Variants in FHIP1A observed in about 807,000 individuals in gnomAD.
The protein encoded by FHIP1A is FHF complex subunit HOOK interacting protein 1A.
A neutral mutation model predicts 88.6 loss-of-function variants in FHIP1A; 61 were observed. The observed-to-expected ratio is 0.69, with a 90% CI of 0.56 to 0.85. The LOEUF (loss-of-function observed/expected upper bound fraction) is 0.85. Ranked by LOEUF, FHIP1A falls within the 40% of genes least tolerant of loss-of-function variation. FHIP1A has a pLI of 0.00. For missense variants in FHIP1A, 1,154 were observed against 1,273.5 expected, an observed-to-expected ratio of 0.91 and a Z score of 1.43; for synonymous variants, 478 against 496.0, an observed-to-expected ratio of 0.96 and a Z score of 0.48.
chr4:151,414,990 A>G (rs899953086), intron 1 of FHIP1A, among the ~76,000 whole-genome samples: 1 of 152,114 alleles, frequency 6.6e-6, no homozygotes. Context: ...TTTTCCCTCT[A>G]TTTAAAAATG....
chr4:151,649,464 G>A lies in FHIP1A; in HGVS notation c.1423G>A (p.Val475Met). Reference sequence around the variant, plus strand: ...AGCCTCTGCCTCCTGTGCAGGGCCTGTGGAGCGGCCATTCCCCGAAGCGTT... The same window carrying A: ...AGCCTCTGCCTCCTGTGCAGGGCCTATGGAGCGGCCATTCCCCGAAGCGTT... ...SKCMHDTSGP[V>M]ERPFPEAFSE... is the part of the protein sequence containing the mutation. The change falls in exon 11 of 14, where the codon GTG (valine) becomes ATG (methionine). Residue 475 changes from valine (V) to methionine (M), a missense_variant. By Grantham distance (21) the Val-to-Met change is conservative. Coordinates refer to ENST00000435205, the MANE Select transcript of FHIP1A (RefSeq NM_001109977.3). 1 of 1,546,096 alleles carries A rather than the reference G, an allele frequency of 6.5e-7. No homozygotes were observed. The highest frequency in any genetic ancestry group is 8.7e-7 in the Non-Finnish European group (1 of 1,144,152).
Position 151,656,130 on chromosome 4 carries a change from C to T in FHIP1A, c.2552-102C>T. ...CTGTGTCTGGCTTGCACCTGTGGGC[C>T]CATGGTGGTTTGGGAGATGTGGCAC... On this transcript the variant is annotated intron_variant, in intron 11 of 13. Transcript: ENST00000435205. This position sits in a 1 kb window ranked among gnomAD's most constrained non-coding sequence, Gnocchi z 4.2. 1 of 910,270 alleles carries T rather than the reference C, an allele frequency of 1.1e-6. No homozygotes were observed. Among genetic ancestry groups the T allele is most frequent in the Non-Finnish European group, 1.7e-6 (1 of 595,760 alleles). The allele number at this position is 910,270 out of a possible 1,614,324, so 56.4% of individuals were successfully genotyped here. A position where few individuals can be genotyped will look rare whatever the true frequency, so the allele number is the denominator to read the frequency against.
At chr4:151,436,940 T>A (rs1178074229) in intron 1 of FHIP1A, among the ~76,000 whole-genome samples, 2 of 152,194 alleles carry the variant, frequency 1.3e-5, no homozygotes, top group African/African-American at 4.8e-5. Flanking sequence ...TTACTTATAA[T>A]ACCTAATACA....
intron 10 of FHIP1A, among the ~76,000 whole-genome samples, chr4:151,647,198 T>C (rs184624887): frequency 6.6e-6 from 1 of 152,314 alleles, no homozygotes; most frequent in Non-Finnish European, 1.5e-5. Context: ...ACAGCAAAAT[T>C]GCATGCATTT....
chr4:151,609,349 C>G (rs1004528404), intron 7 of FHIP1A, among the ~76,000 whole-genome samples: 8 of 152,030 alleles, frequency 5.3e-5, no homozygotes, highest in Non-Finnish European at 1.0e-4. Flanking sequence ...TTTTTCACTT[C>G]CCATTTTCTA....
intron 13 of FHIP1A, among the ~76,000 whole-genome samples, chr4:151,662,068 G>A (rs2126933161): frequency 6.6e-6 from 1 of 152,330 alleles, no homozygotes; most frequent in Middle Eastern, 3.4e-3. Context: ...ATGCTGTGCT[G>A]TCAGGGCTTA....
intron 3 of FHIP1A, among the ~76,000 whole-genome samples, chr4:151,537,138 A>G (rs1391368409): frequency 6.6e-6 from 1 of 152,004 alleles, no homozygotes; most frequent in Non-Finnish European, 1.5e-5. Context: ...TCAGCCTCCC[A>G]AAGTGCTGGG....
chr4:151,505,957 C>G (rs529048913), intron 3 of FHIP1A, among the ~76,000 whole-genome samples: 185 of 152,274 alleles, frequency 1.2e-3, no homozygotes, highest in African/African-American at 4.4e-3. Flanking sequence ...GGGTCTTGCT[C>G]TGTCACCCAA....
intron 2 of FHIP1A, among the ~76,000 whole-genome samples, chr4:151,460,199 C>T (rs1729099606): frequency 6.6e-6 from 1 of 152,000 alleles, no homozygotes; most frequent in Admixed American, 6.6e-5. Context: ...ACATTTAAAT[C>T]AGCTTTTAGA....
At chr4:151,426,093 T>TA (rs1043991488) in intron 1 of FHIP1A, among the ~76,000 whole-genome samples, 2 of 152,138 alleles carry the variant, frequency 1.3e-5, no homozygotes, top group Non-Finnish European at 2.9e-5. Flanking sequence ...GATTTGCTTT[T>TA]AAAAAAACAA....
intron 1 of FHIP1A, among the ~76,000 whole-genome samples, chr4:151,436,193 T>C (rs907250403): frequency 2.0e-5 from 3 of 152,198 alleles, no homozygotes; most frequent in African/African-American, 7.2e-5. Flanking sequence ...GTGTTCATGT[T>C]ACATTTCTTG....
chr4:151,605,067 C>A (rs1052450048), intron 7 of FHIP1A, among the ~76,000 whole-genome samples: 1 of 151,892 alleles, frequency 6.6e-6, no homozygotes, highest in Non-Finnish European at 1.5e-5. Flanking sequence ...GTGGGAGACC[C>A]GTAGAGAGTT....
At chr4:151,479,099 A>T (rs1035227724) in intron 2 of FHIP1A, among the ~76,000 whole-genome samples, 1 of 152,078 alleles carries the variant, frequency 6.6e-6, no homozygotes, top group African/African-American at 2.4e-5. Context: ...ATTTGGTTCA[A>T]CTTTTCCTAA....
At chr4:151,420,687 G>C (rs1733095792) in intron 1 of FHIP1A, among the ~76,000 whole-genome samples, 1 of 152,168 alleles carries the variant, frequency 6.6e-6, no homozygotes, top group Non-Finnish European at 1.5e-5. Flanking sequence ...TTTAGGACTG[G>C]AGCCTAACTC....
intron 3 of FHIP1A, among the ~76,000 whole-genome samples, chr4:151,552,785 T>C (rs1305480025): frequency 6.7e-6 from 1 of 149,178 alleles, no homozygotes; most frequent in East Asian, 2.0e-4. Flanking sequence ...GTAACAAACC[T>C]GCACATTGTG....
chr4:151,624,089 G>A (rs767815602), intron 7 of FHIP1A, among the ~76,000 whole-genome samples: 1 of 152,152 alleles, frequency 6.6e-6, no homozygotes, highest in African/African-American at 2.4e-5. Context: ...TTGCGAGGAG[G>A]TATAGGAAAA....
At chr4:151,519,479 T>A (rs768228175) in intron 3 of FHIP1A, among the ~76,000 whole-genome samples, 7 of 152,162 alleles carry the variant, frequency 4.6e-5, no homozygotes, top group Non-Finnish European at 8.8e-5. Context: ...ATTTTATTGA[T>A]AGACATCTGG....
chr4:151,553,112 GAGA>G (rs1296103007), intron 3 of FHIP1A, among the ~76,000 whole-genome samples: 1 of 152,258 alleles, frequency 6.6e-6, no homozygotes, highest in East Asian at 1.9e-4. Flanking sequence ...ATGCTGCATG[GAGA>G]AGATGAACAT....
intron 3 of FHIP1A, among the ~76,000 whole-genome samples, chr4:151,500,748 C>CA (rs1392462789): frequency 1.3e-5 from 2 of 152,138 alleles, no homozygotes; most frequent in African/African-American, 2.4e-5. Context: ...TAGATCATTC[C>CA]AGGAAACATG....
Sources: gnomAD v4.1 joint callset for allele counts (sites outside exome capture counted in the v4.1 genomes callset) on GRCh38, gnomAD v4.1.1 for gene constraint, Gnocchi (gnomAD v3.1) non-coding constraint, MANE v1.5 for transcripts, NCBI Gene and HGNC (gene_info 2026-07-23, HGNC 2026-07-21) for gene names.